THBS4: variants seen among roughly 807,000 people sequenced by gnomAD.
THBS4 encodes thrombospondin-4.
Under a neutral mutation model 115.7 loss-of-function variants are expected in THBS4, and 90 were observed. The observed-to-expected ratio is 0.78, with a 90% CI of 0.66 to 0.93. THBS4 has a LOEUF of 0.93. Among genes scored for constraint, THBS4 ranks in the 40% least tolerant of loss-of-function variants. The pLI is 0.00. For synonymous variants in THBS4, 460 were observed against 479.3 expected, an observed-to-expected ratio of 0.96 and a Z score of 0.53; for missense variants, 1,087 against 1,232.7, an observed-to-expected ratio of 0.88 and a Z score of 1.77.
chr5:80,013,971 G>A (rs1832198749), intron 2 of THBS4, among the ~76,000 whole-genome samples: 1 of 152,178 alleles, frequency 6.6e-6, no homozygotes. Flanking sequence ...AACCCCAGAA[G>A]GAGAGATTCC....
intron 2 of THBS4, among the ~76,000 whole-genome samples, chr5:80,022,337 C>A (rs1204502528): frequency 1.3e-5 from 2 of 152,152 alleles, no homozygotes; most frequent in Non-Finnish European, 2.9e-5. Flanking sequence ...CAGGGTATGT[C>A]ATCACATTAC....
chr5:80,078,057 G>A lies in THBS4; in HGVS notation c.2095G>A (p.Val699Met), dbSNP rs374087095. The part of the protein sequence containing the change: ...PAQEDSNSDG[V>M]GDICESDFDQ... ...TTCTCCACCCCACTCAGGCGACGGA[G>A]TGGGAGACATCTGTGAGTCTGACTT... Residue 699 changes from valine to methionine, a missense_variant, in exon 17 of 22, where the codon GTG (valine) becomes ATG (methionine). By Grantham distance (21) the Val-to-Met change is conservative. This residue lies in a region of THBS4 where 979 missense variants were observed against 1,103.7 expected (regional missense o/e 0.89). Transcript: ENST00000350881. The A allele has an allele frequency of 8.2e-6, 13 of 1,587,384 alleles. No individual in the cohort carries two copies. Among genetic ancestry groups the A allele is most frequent in the Non-Finnish European group, 1.1e-5 (13 of 1,162,034 alleles).
intron 2 of THBS4, among the ~76,000 whole-genome samples, chr5:80,018,346 T>C (rs984480242): frequency 6.6e-6 from 1 of 151,824 alleles, no homozygotes; most frequent in African/African-American, 2.4e-5. Context: ...TTGATTTTAA[T>C]TTAAATTATA....
chr5:80,076,453 GC>G (rs1743222342), intron 15 of THBS4, among the ~76,000 whole-genome samples: 1 of 152,192 alleles, frequency 6.6e-6, no homozygotes, highest in African/African-American at 2.4e-5. Context: ...CAGGTGTCAT[GC>G]CTGAGGTCAC....
chr5:80,053,788 A>ACT (rs1192565830), intron 2 of THBS4, among the ~76,000 whole-genome samples: 2 of 151,798 alleles, frequency 1.3e-5, no homozygotes, highest in Non-Finnish European at 2.9e-5. Flanking sequence ...CTGGTCTTGA[A>ACT]CTCCTGACCT....
intron 1 of THBS4, among the ~76,000 whole-genome samples, chr5:79,996,067 G>A (rs1287384855): frequency 6.6e-6 from 1 of 152,068 alleles, no homozygotes; most frequent in Non-Finnish European, 1.5e-5. Context: ...AACCCAGGTG[G>A]CAGAGGTTGC....
rs904653072 is a variant in THBS4 at position 80,083,152 on chromosome 5, C to A, written c.*11C>A. 3 of 1,608,304 alleles carry A rather than the reference C, an allele frequency of 1.9e-6. No homozygotes were observed. The highest frequency in any genetic ancestry group is 2.2e-5 in the East Asian group (1 of 44,856). On this transcript the variant is annotated 3_prime_UTR_variant, in exon 22 of 22. Coordinates refer to ENST00000350881, the MANE Select transcript of THBS4 (RefSeq NM_003248.6). ...CGCTTCGATAATTAAACCAAGGAAG[C>A]AATCTGTAACTGCTTTTCGGAACAC...
intron 8 of THBS4, 26 bp downstream of exon 8, chr5:80,061,858 C>A: frequency 1.3e-6 from 2 of 1,586,696 alleles, no homozygotes; most frequent in Non-Finnish European, 1.7e-6. Flanking sequence ...GGTTTCTATT[C>A]ATTTCTCATC....
chr5:79,991,601 T>G (rs1831673787), intron 1 of THBS4, among the ~76,000 whole-genome samples: 1 of 152,196 alleles, frequency 6.6e-6, no homozygotes, highest in Admixed American at 6.5e-5. Flanking sequence ...GAGAAAGAAC[T>G]TGGCACACAG....
chr5:80,012,025 C>T (rs944798324), intron 2 of THBS4, among the ~76,000 whole-genome samples: 1 of 152,052 alleles, frequency 6.6e-6, no homozygotes, highest in African/African-American at 2.4e-5. Context: ...CCAAAGTATG[C>T]TTATTACCTG....
In THBS4 at chr5:80,035,404, C is replaced by T; in HGVS notation, c.-134C>T. 2.3e-6 allele frequency: 1 copy of T among 426,302 alleles called. No individual in the cohort carries two copies. Among genetic ancestry groups the T allele is most frequent in the Non-Finnish European group, 3.6e-6 (1 of 279,616 alleles). The allele number at this position is 426,302 out of a possible 1,614,324, so 26.4% of individuals were successfully genotyped here. On this transcript the variant is annotated 5_prime_UTR_variant, in exon 1 of 22. Coordinates refer to ENST00000350881, the MANE Select transcript of THBS4 (RefSeq NM_003248.6). This position sits in a 1 kb window ranked among gnomAD's most constrained non-coding sequence, Gnocchi z 4.6. Reference sequence around the variant, plus strand: ...GACGCGAGCGCGCCCCCGACGGCAGCCCGGACGCCGAGCACGGGTCACCTG... The same window carrying T: ...GACGCGAGCGCGCCCCCGACGGCAGTCCGGACGCCGAGCACGGGTCACCTG...
intron 20 of THBS4, among the ~76,000 whole-genome samples, chr5:80,080,560 A>C (rs1405096103): frequency 2.5e-5 from 3 of 118,138 alleles, no homozygotes; most frequent in East Asian, 5.9e-4. Flanking sequence ...CACAAACTGC[A>C]TGAGAGCAGC....
intron 2 of THBS4, among the ~76,000 whole-genome samples, chr5:80,010,509 C>T (rs748041296): frequency 9.9e-5 from 15 of 152,244 alleles, no homozygotes; most frequent in Admixed American, 3.3e-4. Flanking sequence ...TCAAAGCTCA[C>T]TCACCACTAC....
Position 80,035,493 on chromosome 5 carries a change from A to T in THBS4, c.-45A>T. 7.8e-7 allele frequency: 1 copy of T among 1,280,172 alleles called. No homozygotes were observed. The highest frequency in any genetic ancestry group is 1.6e-5 in the African/African-American group (1 of 64,490). 79.3% of individuals were successfully genotyped at this position (1,280,172 alleles called of 1,614,324 possible). A position where few individuals can be genotyped will look rare whatever the true frequency, so the allele number is the denominator to read the frequency against. On this transcript the variant is annotated 5_prime_UTR_variant, in exon 1 of 22. Coordinates refer to ENST00000350881, the MANE Select transcript of THBS4 (RefSeq NM_003248.6). The surrounding 1 kb of genome is among the most constrained non-coding windows in gnomAD (Gnocchi z 4.6). ...GCCCGGGGACCCCCAGGCGGGGCCA[A>T]CGCCGCCGTCGCCCCCGGCCTCGCG...
At chr5:80,080,579 C>CTGTTTTTTTTTTTTTTTT (rs543039828) in intron 20 of THBS4, among the ~76,000 whole-genome samples, 1 of 50,464 alleles carries the variant, frequency 2.0e-5, no homozygotes. Context: ...GCGCTTGTAT[C>CTGTTTTTTTTTTTTTTTT]TTTTTTTTTT....
At chr5:80,015,351 G>A (rs1331096997) in intron 2 of THBS4, among the ~76,000 whole-genome samples, 1 of 152,154 alleles carries the variant, frequency 6.6e-6, no homozygotes, top group Non-Finnish European at 1.5e-5. Context: ...AGGTGAGTAT[G>A]CCCTTGTGGG....
intron 9 of THBS4, chr5:80,067,698 G>A (rs73772216): frequency 9.5e-5 from 29 of 304,586 alleles, no homozygotes; most frequent in African/African-American, 4.3e-4. Context: ...CCACGGTGGC[G>A]CGGGCAACTC....
At chr5:80,066,212 C>A (rs1833818676) in intron 9 of THBS4, 1 of 151,972 alleles carries the variant, frequency 6.6e-6, no homozygotes, top group African/African-American at 2.4e-5. Flanking sequence ...TCTGAAAGTT[C>A]CTGTCAAACT....
At chr5:80,003,029 G>A (rs956952933) in intron 2 of THBS4, among the ~76,000 whole-genome samples, 5 of 152,092 alleles carry the variant, frequency 3.3e-5, no homozygotes, top group East Asian at 1.9e-4. Context: ...AGGAACAAGT[G>A]TGTTTTCTTA....
Sources: gnomAD v4.1 joint callset for allele counts (sites outside exome capture counted in the v4.1 genomes callset) on GRCh38, gnomAD v4.1.1 for gene constraint, gnomAD v4.1.1 regional missense constraint, Gnocchi (gnomAD v3.1) non-coding constraint, MANE v1.5 for transcripts, NCBI Gene and HGNC (gene_info 2026-07-23, HGNC 2026-07-21) for gene names.